The following ABTB2 variants were observed in gnomAD, a reference collection of about 807,000 sequenced individuals.
ABTB2 encodes the protein ankyrin repeat and BTB/POZ domain-containing protein 2.
In ABTB2, 56 loss-of-function variants were observed where a neutral mutation model predicts 104.1. The observed-to-expected ratio is 0.54, with a 90% CI of 0.43 to 0.67. The LOEUF is 0.67. Among genes scored for constraint, ABTB2 ranks in the 30% least tolerant of loss-of-function variants. ABTB2 has a pLI of 0.00. For synonymous variants in ABTB2, 606 were observed against 608.2 expected, an observed-to-expected ratio of 1.00 and a Z score of 0.05; for missense variants, 1,279 against 1,407.7, an observed-to-expected ratio of 0.91 and a Z score of 1.46.
At chr11:34,229,257 C>A (rs1470709854) in intron 1 of ABTB2, among the ~76,000 whole-genome samples, 1 of 151,492 alleles carries the variant, frequency 6.6e-6, no homozygotes, top group Admixed American at 6.6e-5. Flanking sequence ...CCGAGGTGGG[C>A]GGATCACAAA....
intron 1 of ABTB2, among the ~76,000 whole-genome samples, chr11:34,218,643 A>G (rs1266356845): frequency 6.6e-6 from 1 of 151,966 alleles, no homozygotes; most frequent in Admixed American, 6.6e-5. Flanking sequence ...TGAGGTCGGG[A>G]GTTCCAGACC....
At chr11:34,202,899 G>A (rs946537884) in intron 2 of ABTB2, among the ~76,000 whole-genome samples, 1 of 152,186 alleles carries the variant, frequency 6.6e-6, no homozygotes, top group Non-Finnish European at 1.5e-5. Context: ...AGTGGAGTTG[G>A]TGAAAGGGGC....
At chr11:34,340,595 C>A (rs1166572668) in intron 1 of ABTB2, among the ~76,000 whole-genome samples, 1 of 152,180 alleles carries the variant, frequency 6.6e-6, no homozygotes, top group African/African-American at 2.4e-5. Flanking sequence ...TCCTACTCTT[C>A]TCAGAGATAC....
chr11:34,158,967 C>T (rs1852669919), intron 14 of ABTB2, among the ~76,000 whole-genome samples: 1 of 152,196 alleles, frequency 6.6e-6, no homozygotes, highest in Non-Finnish European at 1.5e-5. Context: ...TCAGTAATGC[C>T]CATTGGCTGG....
intron 1 of ABTB2, among the ~76,000 whole-genome samples, chr11:34,296,056 CAGA>C (rs1238525404): frequency 1.3e-5 from 2 of 152,144 alleles, no homozygotes; most frequent in Non-Finnish European, 2.9e-5. Context: ...TGCTGGAACC[CAGA>C]AGATCAAGGC....
intron 7 of ABTB2, 120 bp downstream of exon 7, chr11:34,167,139 C>A: frequency 2.2e-6 from 2 of 917,156 alleles, no homozygotes; most frequent in Non-Finnish European, 3.4e-6. Context: ...TGGCCTCAAG[C>A]AGTGCCTTTG....
At chr11:34,284,581 G>T (rs566314259) in intron 1 of ABTB2, among the ~76,000 whole-genome samples, 1 of 152,354 alleles carries the variant, frequency 6.6e-6, no homozygotes, top group East Asian at 1.9e-4. Context: ...AAGAAAAGGT[G>T]TGAGAGTGGA....
chr11:34,239,107 A>T (rs1045238949), intron 1 of ABTB2, among the ~76,000 whole-genome samples: 1 of 152,148 alleles, frequency 6.6e-6, no homozygotes, highest in Admixed American at 6.5e-5. Context: ...TAGAAGCTCC[A>T]TGAAAGCCAG....
In ABTB2 at chr11:34,152,341, C is replaced by G; in HGVS notation, c.*46G>C. On this transcript the variant is annotated 3_prime_UTR_variant, in exon 17 of 17. Coordinates refer to ENST00000435224, the MANE Select transcript of ABTB2 (RefSeq NM_145804.3). ...CAACCATACCCCGACATGGTGGGCC[C>G]TGGCACCTCCACAGGCCCTGGCCTC... is the stretch of plus-strand genomic sequence containing the variant. 6.5e-7 allele frequency: 1 copy of G among 1,528,482 alleles called. No individual in the cohort carries two copies. The highest frequency in any genetic ancestry group is 1.4e-5 in the African/African-American group (1 of 72,834). 94.7% of individuals were successfully genotyped at this position (1,528,482 alleles called of 1,614,324 possible).
intron 3 of ABTB2, among the ~76,000 whole-genome samples, chr11:34,174,077 G>A (rs1852926336): frequency 1.3e-5 from 2 of 152,164 alleles, no homozygotes; most frequent in South Asian, 2.1e-4. Context: ...GCTCACGCCT[G>A]TAACCTCAGC....
At chr11:34,215,682 AG>A (rs1565143344) in intron 1 of ABTB2, among the ~76,000 whole-genome samples, 1 of 152,220 alleles carries the variant, frequency 6.6e-6, no homozygotes, top group Non-Finnish European at 1.5e-5. Context: ...TCTGGATAAT[AG>A]GCCTAATCAT....
At chr11:34,269,619 C>G (rs1393805194) in intron 1 of ABTB2, among the ~76,000 whole-genome samples, 1 of 152,252 alleles carries the variant, frequency 6.6e-6, no homozygotes. Flanking sequence ...AAGGCTGTGT[C>G]CCAACGAGCC....
At chr11:34,274,049 G>A (rs1473976399) in intron 1 of ABTB2, among the ~76,000 whole-genome samples, 1 of 150,118 alleles carries the variant, frequency 6.7e-6, no homozygotes, top group Non-Finnish European at 1.5e-5. Context: ...CTACTCGGGA[G>A]GCTGAGGCAG....
intron 1 of ABTB2, among the ~76,000 whole-genome samples, chr11:34,235,166 T>C (rs1853825872): frequency 6.6e-6 from 1 of 152,104 alleles, no homozygotes; most frequent in African/African-American, 2.4e-5. Context: ...CGGCCGAGAT[T>C]ATTGTGTTTA....
chr11:34,271,303 T>C (rs1168147759), intron 1 of ABTB2, among the ~76,000 whole-genome samples: 1 of 152,248 alleles, frequency 6.6e-6, no homozygotes, highest in Non-Finnish European at 1.5e-5. Flanking sequence ...ACATGGTGAT[T>C]GATAATGCTC....
At chr11:34,193,688 T>C (rs1324401064) in intron 3 of ABTB2, among the ~76,000 whole-genome samples, 1 of 152,260 alleles carries the variant, frequency 6.6e-6, no homozygotes, top group African/African-American at 2.4e-5. Context: ...TATCTGACTT[T>C]GTCCTACCGG....
intron 9 of ABTB2, 33 bp from the exon 10 acceptor site, chr11:34,162,838 T>C (rs896764353): frequency 1.3e-6 from 2 of 1,566,232 alleles, no homozygotes; most frequent in Admixed American, 3.6e-5. Flanking sequence ...AGGTGAGGGC[T>C]GAAGTCCCAC....
chr11:34,327,017 G>A (rs1388170407), intron 1 of ABTB2, among the ~76,000 whole-genome samples: 1 of 152,230 alleles, frequency 6.6e-6, no homozygotes, highest in Non-Finnish European at 1.5e-5. Context: ...GGAGGTTGCA[G>A]TGAGCCAAGA....
chr11:34,166,948 G>A (rs1399266667), intron 7 of ABTB2, among the ~76,000 whole-genome samples: 2 of 152,262 alleles, frequency 1.3e-5, no homozygotes, highest in African/African-American at 4.8e-5. Context: ...AGAAAGCTGA[G>A]TGGGACTGGG....
Sources: allele counts gnomAD v4.1 joint callset (sites outside exome capture counted in the v4.1 genomes callset), GRCh38; gene constraint gnomAD v4.1.1; transcripts MANE v1.5; gene names NCBI Gene and HGNC (gene_info 2026-07-23, HGNC 2026-07-21).